PADI2: variants seen among roughly 807,000 people sequenced by gnomAD.
PADI2 encodes the protein peptidyl arginine deiminase 2.
In PADI2, 70 loss-of-function variants were observed where a neutral mutation model predicts 81.1. The ratio of observed to expected loss-of-function variants is 0.86; its 90% CI spans 0.71 to 1.05. PADI2 has a LOEUF of 1.05. Among genes scored for constraint, PADI2 ranks in the 50% least tolerant of loss-of-function variants. PADI2 has a pLI of 0.00. For missense variants in PADI2, 853 were observed against 889.9 expected (o/e 0.96, Z 0.53); for synonymous variants, 338 against 358.0 (o/e 0.94, Z 0.63).
rs2078352310 is a variant in PADI2 at position 17,082,575 on chromosome 1, G to A, written c.1128C>T (p.Asn376=). 3 of 1,613,212 alleles carry A rather than the reference G, an allele frequency of 1.9e-6. No homozygotes were observed. Among genetic ancestry groups the A allele is most frequent in the Non-Finnish European group, 2.5e-6 (3 of 1,179,302 alleles). The change falls in exon 10 of 16, where the codon AAC becomes AAT. Residue 376 remains asparagine, a synonymous_variant. Transcript: ENST00000375486. ...GCTCCTTCACAGGGAAGTCCTTTAG[G>A]TTTCCATCTCGGGGAGAGTCCAGCA... is the stretch of plus-strand genomic sequence containing the variant. ...PVVLDSPRDG[N]LKDFPVKELL... is the part of the protein sequence containing the mutation.
chr1:17,094,094 G>A (rs16862492), intron 4 of PADI2, among the ~76,000 whole-genome samples: 2,770 of 152,230 alleles, frequency 0.018, 80 homozygotes, highest in African/African-American at 0.062. Flanking sequence ...CTAGTGCTCC[G>A]AATGGGACCT....
rs977382082 is a variant in PADI2 at position 17,084,678 on chromosome 1, T to C, written c.859A>G (p.Thr287Ala). ...AQDIPLTPIF[T>A]DTVIFRIAPW... The stretch of plus-strand genomic sequence containing the variant: ...GCAATCCGGAATATCACGGTGTCCG[T>C]GAAGATGGGAGTCAGGGGAATGTCC... The change falls in exon 8 of 16, where the codon ACG (threonine) becomes GCG (alanine). Residue 287 changes from threonine to alanine, a missense_variant. Thr to Ala is a moderately conservative substitution (Grantham distance 58). Transcript: ENST00000375486. The C allele has an allele frequency of 3.8e-5, 59 of 1,561,452 alleles. No homozygotes were observed. Among genetic ancestry groups the C allele is most frequent in the Non-Finnish European group, 5.1e-5 (59 of 1,152,856 alleles).
Position 17,094,319 on chromosome 1 carries a change from C to T in PADI2, c.412-635G>A, listed in dbSNP as rs1930826167. Among the ~76,000 whole-genome samples the T allele has an allele frequency of 2.0e-5, 3 of 152,212 alleles. No homozygotes were observed. The South Asian group carries it at 6.2e-4, about 31-fold the overall frequency. ...TGCCCCTCGCTCACTCTGCCCCACC[C>T]ATCCCGGCGCCTTTCTGCTCCCAAA... On this transcript the variant is annotated intron_variant, in intron 4 of 15. Transcript: ENST00000375486.
intron 7 of PADI2, among the ~76,000 whole-genome samples, chr1:17,085,407 G>A (rs2078377484): frequency 6.6e-6 from 1 of 152,108 alleles, no homozygotes; most frequent in African/African-American, 2.4e-5. Flanking sequence ...GAGTCTCTGC[G>A]GGTGCCTGAG....
At chr1:17,070,563 C>G (rs984897594) in intron 14 of PADI2, among the ~76,000 whole-genome samples, 1 of 152,246 alleles carries the variant, frequency 6.6e-6, no homozygotes, top group African/African-American at 2.4e-5. Context: ...TTGGTAATAA[C>G]AAAAGCTAAT....
chr1:17,100,100 A>C (rs1931090707), intron 3 of PADI2, among the ~76,000 whole-genome samples: 1 of 152,106 alleles, frequency 6.6e-6, no homozygotes, highest in African/African-American at 2.4e-5. Context: ...ACTCAGGATG[A>C]CGGGCTCAAG....
chr1:17,098,514 A>G (rs72905840), intron 3 of PADI2, among the ~76,000 whole-genome samples: 81 of 152,366 alleles, frequency 5.3e-4, no homozygotes, highest in African/African-American at 1.9e-3. Context: ...GTTTCTAAAG[A>G]AAGACAGCAG....
chr1:17,074,760 T>G, intron 13 of PADI2, 96 bp downstream of exon 13: 1 of 681,312 alleles, frequency 1.5e-6, no homozygotes, highest in Non-Finnish European at 2.5e-6. Context: ...TGGAGCTGGG[T>G]GCTCAGGGAC....
chr1:17,090,395 C>T (rs996224221), intron 6 of PADI2, among the ~76,000 whole-genome samples: 2 of 152,246 alleles, frequency 1.3e-5, no homozygotes, highest in African/African-American at 4.8e-5. Context: ...CTGACTCCAG[C>T]ACTCCCTATA....
chr1:17,102,099 T>G (rs142472826), intron 3 of PADI2, among the ~76,000 whole-genome samples: 183 of 152,352 alleles, frequency 1.2e-3, no homozygotes, highest in African/African-American at 4.1e-3. Context: ...GCACTCAGCA[T>G]GCAGTTGACT....
chr1:17,104,329 A>AT (rs1931265553), intron 2 of PADI2, among the ~76,000 whole-genome samples: 2 of 150,588 alleles, frequency 1.3e-5, no homozygotes, highest in African/African-American at 4.9e-5. Context: ...TTTTGTTAAT[A>AT]TTTTTTATAT....
At chr1:17,104,027 A>G (rs994298549) in intron 2 of PADI2, among the ~76,000 whole-genome samples, 5 of 151,518 alleles carry the variant, frequency 3.3e-5, no homozygotes, top group South Asian at 2.1e-4. Flanking sequence ...TCACGCCTGT[A>G]ATCCCAGCAC....
chr1:17,117,470 T>G lies in PADI2; in HGVS notation c.92+1810A>C, dbSNP rs146574386. Reference sequence around the variant, plus strand: ...TGGACTTTTCTGGACAGTACTGGTCTAGAGCGCACTGCCCCTCTCTGTGGT... The same window carrying G: ...TGGACTTTTCTGGACAGTACTGGTCGAGAGCGCACTGCCCCTCTCTGTGGT... On this transcript the variant is annotated intron_variant, in intron 1 of 15. Transcript: ENST00000375486. Among the ~76,000 whole-genome samples the G allele has an allele frequency of 1.8e-4, 28 of 152,320 alleles. No individual in the cohort carries two copies. In the East Asian group the frequency reaches 5.0e-3, roughly 27 times the overall value.
At chr1:17,100,075 C>T (rs1010925547) in intron 3 of PADI2, among the ~76,000 whole-genome samples, 1 of 152,076 alleles carries the variant, frequency 6.6e-6, no homozygotes, top group East Asian at 1.9e-4. Context: ...AGGCGCTGCC[C>T]CTGAGTGATT....
chr1:17,075,425 ATT>A (rs932826715), intron 12 of PADI2: 6 of 442,440 alleles, frequency 1.4e-5, no homozygotes, highest in African/African-American at 1.2e-4. Context: ...GATTTTGAAG[ATT>A]TAGTATGAGA....
chr1:17,093,631 A>T lies in PADI2; in HGVS notation c.465T>A (p.Cys155Ter), dbSNP rs1311238746. The change falls in exon 5 of 16, where the codon TGT becomes TGA. Residue 155 changes from cysteine to a stop codon, truncating the protein, a stop_gained. Transcript: ENST00000375486. LOFTEE classifies it high-confidence loss of function. ...EGQGAILLVN[C>*]DRETPWLPKE... ...TGGGCAACCAGGGTGTCTCTCGGTC[A>T]CAGTTCACCAGCAGGATGGCCCCCT... 3.1e-6 allele frequency: 5 copies of T among 1,614,040 alleles called. No individual in the cohort carries two copies. Among genetic ancestry groups the T allele is most frequent in the Non-Finnish European group, 4.2e-6 (5 of 1,179,942 alleles).
At chr1:17,104,735 T>A in intron 2 of PADI2, 143 bp downstream of exon 2, 1 of 674,738 alleles carries the variant, frequency 1.5e-6, no homozygotes, top group South Asian at 3.4e-5. Flanking sequence ...GCCCGGCCTC[T>A]TTTTGCCTTT....
At chr1:17,069,580 T>C (rs550190048) in intron 15 of PADI2, among the ~76,000 whole-genome samples, 36 of 152,334 alleles carry the variant, frequency 2.4e-4, no homozygotes, top group African/African-American at 8.7e-4. Flanking sequence ...CACACACGTA[T>C]GGGTATGTAT....
intron 9 of PADI2, chr1:17,083,456 T>C: frequency 2.3e-6 from 1 of 427,552 alleles, no homozygotes; most frequent in Non-Finnish European, 4.2e-6. Flanking sequence ...GGCTTCATCC[T>C]TTTTAGCGGT....
Sources: allele counts gnomAD v4.1 joint callset (sites outside exome capture counted in the v4.1 genomes callset), GRCh38; gene constraint gnomAD v4.1.1; transcripts MANE v1.5; gene names NCBI Gene and HGNC (gene_info 2026-07-23, HGNC 2026-07-21).